The following DUSP16 variants were observed in gnomAD, a reference collection of about 807,000 sequenced individuals.
DUSP16 encodes dual specificity phosphatase 16.
Under a neutral mutation model 58.3 loss-of-function variants are expected in DUSP16, and 21 were observed. The observed-to-expected ratio is 0.36, with a 90% CI of 0.26 to 0.52. DUSP16 has a LOEUF of 0.52. Among genes scored for constraint, DUSP16 ranks in the 20% least tolerant of loss-of-function variants. DUSP16 has a pLI of 0.94. For synonymous variants in DUSP16, 320 were observed against 323.8 expected (o/e 0.99, Z 0.12); for missense variants, 726 against 819.0 (o/e 0.89, Z 1.39).
chr12:12,549,348 A>G (rs1305558209), intron 1 of DUSP16, among the ~76,000 whole-genome samples: 1 of 152,054 alleles, frequency 6.6e-6, no homozygotes, highest in African/African-American at 2.4e-5. Flanking sequence ...GTGCATCTCC[A>G]TGACTCCTGT....
chr12:12,511,178 A>T (rs2136223370), intron 3 of DUSP16, among the ~76,000 whole-genome samples: 1 of 152,338 alleles, frequency 6.6e-6, no homozygotes, highest in East Asian at 1.9e-4. Flanking sequence ...GCATGTGAAC[A>T]GATCAGTTAA....
intron 1 of DUSP16, among the ~76,000 whole-genome samples, chr12:12,550,860 T>C (rs563379883): frequency 6.6e-6 from 1 of 151,906 alleles, no homozygotes; most frequent in Admixed American, 6.6e-5. Flanking sequence ...CTGCACGTGC[T>C]GCACATGTAC....
chr12:12,551,933 C>T (rs546799626), intron 1 of DUSP16, among the ~76,000 whole-genome samples: 213 of 152,164 alleles, frequency 1.4e-3, no homozygotes, highest in African/African-American at 5.0e-3. Flanking sequence ...ACCTCGTGAT[C>T]CACCTGCCTC....
At chr12:12,481,775 A>C (rs903710051) in intron 5 of DUSP16, among the ~76,000 whole-genome samples, 4 of 152,022 alleles carry the variant, frequency 2.6e-5, no homozygotes, top group African/African-American at 7.3e-5. Flanking sequence ...AAGAACATAT[A>C]AACTCGTGTA....
chr12:12,526,487 A>ACGTT (rs1480419867), intron 1 of DUSP16, among the ~76,000 whole-genome samples: 1 of 152,232 alleles, frequency 6.6e-6, no homozygotes, highest in Non-Finnish European at 1.5e-5. Flanking sequence ...CTGTAAGTCT[A>ACGTT]TTTTTATGTT....
chr12:12,502,712 C>T (rs1462002923), intron 3 of DUSP16, among the ~76,000 whole-genome samples: 28 of 151,890 alleles, frequency 1.8e-4, no homozygotes, highest in Admixed American at 1.8e-3. Context: ...CCACCACCCT[C>T]GGCTAATTTT....
chr12:12,532,340 G>A (rs1944402447), intron 1 of DUSP16, among the ~76,000 whole-genome samples: 1 of 152,136 alleles, frequency 6.6e-6, no homozygotes, highest in Admixed American at 6.5e-5. Flanking sequence ...AAACGATGGT[G>A]TAAAAATATA....
chr12:12,493,867 T>C (rs1257482888), intron 4 of DUSP16, among the ~76,000 whole-genome samples: 2 of 152,226 alleles, frequency 1.3e-5, no homozygotes, highest in Non-Finnish European at 2.9e-5. Context: ...ACTCATACTG[T>C]ACTATACTAT....
intron 1 of DUSP16, among the ~76,000 whole-genome samples, chr12:12,547,996 G>A (rs1441306889): frequency 2.0e-5 from 3 of 152,134 alleles, no homozygotes; most frequent in Non-Finnish European, 4.4e-5. Context: ...ATCCTCTTTG[G>A]AGTATGAAAC....
intron 5 of DUSP16, 111 bp from the exon 6 acceptor site, chr12:12,480,457 C>G: frequency 7.7e-7 from 1 of 1,290,658 alleles, no homozygotes; most frequent in Non-Finnish European, 1.1e-6. Flanking sequence ...CTACGCAAAT[C>G]TCATCTGTGT....
intron 3 of DUSP16, among the ~76,000 whole-genome samples, chr12:12,513,206 G>T (rs918395627): frequency 2.6e-5 from 4 of 152,106 alleles, no homozygotes; most frequent in Non-Finnish European, 5.9e-5. Flanking sequence ...CTTAATAAAT[G>T]GTATCTTCTA....
intron 3 of DUSP16, among the ~76,000 whole-genome samples, chr12:12,510,938 C>T (rs1335942573): frequency 6.6e-6 from 1 of 152,124 alleles, no homozygotes; most frequent in Non-Finnish European, 1.5e-5. Context: ...GGCAAAACAA[C>T]AACTGAGGAC....
At chr12:12,480,485 G>T in intron 5 of DUSP16, 139 bp from the exon 6 acceptor site, 1 of 990,008 alleles carries the variant, frequency 1.0e-6, no homozygotes. Flanking sequence ...ATTTATCCTC[G>T]CAATATTCTT....
Position 12,542,827 on chromosome 12 carries a change from A to G in DUSP16, c.-366+19290T>C, listed in dbSNP as rs147672673. Among the ~76,000 whole-genome samples the G allele has an allele frequency of 2.0e-3, 310 of 152,268 alleles. 3 individuals are homozygous for G. Among genetic ancestry groups the G allele is most frequent in the African/African-American group, 7.1e-3 (297 of 41,558 alleles). Reference sequence around the variant, plus strand: ...ATATTTGTGTCCCCACTAAATTCTTAAATTAAAACCCTAAGTCCATTGTGA... The same window carrying G: ...ATATTTGTGTCCCCACTAAATTCTTGAATTAAAACCCTAAGTCCATTGTGA... On this transcript the variant is annotated intron_variant, in intron 1 of 6. Transcript: ENST00000298573.
At chr12:12,536,189 T>C (rs968659373) in intron 1 of DUSP16, among the ~76,000 whole-genome samples, 1 of 152,186 alleles carries the variant, frequency 6.6e-6, no homozygotes, top group African/African-American at 2.4e-5. Flanking sequence ...CAAGAGACTG[T>C]TAATAGTCTA....
chr12:12,479,391 T>G (rs1345249446), intron 6 of DUSP16, among the ~76,000 whole-genome samples: 1 of 152,146 alleles, frequency 6.6e-6, no homozygotes, highest in East Asian at 1.9e-4. Context: ...CTTCATAACG[T>G]GATAGAAGGG....
intron 1 of DUSP16, chr12:12,554,440 T>C (rs1305527615): frequency 6.6e-6 from 1 of 152,096 alleles, no homozygotes; most frequent in Non-Finnish European, 1.5e-5. Context: ...TTTAATTTCT[T>C]ACCCTACAGT....
rs76526820 is a variant in DUSP16, at chr12:12,488,812, C to T, written c.532-1625G>A. 2.0e-3 allele frequency among the ~76,000 whole-genome samples: 298 copies of T among 152,308 alleles called. 9 individuals are homozygous for T. In the East Asian group the frequency reaches 0.034, roughly 17 times the overall value. On this transcript the variant is annotated intron_variant, in intron 4 of 6. Coordinates refer to ENST00000298573, the MANE Select transcript of DUSP16 (RefSeq NM_030640.3). ...GGTGAACAGCAGCCGGGCGCAGTGA[C>T]TCATGCCTGTAATCCCAGCACTTTG...
Position 12,521,205 on chromosome 12 carries a change from G to C in DUSP16, c.-107C>G, listed in dbSNP as rs1944231815. ...ACTCCATTGTACTAAAAGTGTATGA[G>C]GTCAGGCTGGTGGTGACTGGCAAAA... is the stretch of plus-strand genomic sequence containing the variant. On this transcript the variant is annotated 5_prime_UTR_variant, in exon 2 of 7. Coordinates refer to ENST00000298573, the MANE Select transcript of DUSP16 (RefSeq NM_030640.3). The C allele has an allele frequency of 4.0e-6, 6 of 1,507,230 alleles. No homozygotes were observed. The highest frequency in any genetic ancestry group is 5.3e-6 in the Non-Finnish European group (6 of 1,128,404). 93.4% of individuals were successfully genotyped at this position (1,507,230 alleles called of 1,614,324 possible).
Sources: gnomAD v4.1 joint callset for allele counts (sites outside exome capture counted in the v4.1 genomes callset) on GRCh38, gnomAD v4.1.1 for gene constraint, MANE v1.5 for transcripts, NCBI Gene and HGNC (gene_info 2026-07-23, HGNC 2026-07-21) for gene names.